Variants in PCDHGA8 observed in about 807,000 individuals in gnomAD.
The protein encoded by PCDHGA8 is protocadherin gamma subfamily A, 8.
In PCDHGA8, 45 loss-of-function variants were observed where a neutral mutation model predicts 59.2. The ratio of observed to expected loss-of-function variants is 0.76; its 90% confidence interval spans 0.60 to 0.98. The LOEUF is 0.98. Ranked by LOEUF, PCDHGA8 falls within the 50% of genes least tolerant of loss-of-function variation. PCDHGA8 has a pLI of 0.00. For synonymous variants in PCDHGA8, 531 were observed against 519.0 expected, an observed-to-expected ratio of 1.02 and a Z score of -0.32; for missense variants, 1,257 against 1,196.2, an observed-to-expected ratio of 1.05 and a Z score of -0.75.
At chr5:141,405,555 G>C in intron 1 of PCDHGA8, 1 of 620,228 alleles carries the variant, frequency 1.6e-6, no homozygotes, top group Non-Finnish European at 2.8e-6. Context: ...AAGTAGAGTA[G>C]CTGGGACTAG....
intron 1 of PCDHGA8, among the ~76,000 whole-genome samples, chr5:141,425,699 G>A (rs535043616): frequency 6.6e-6 from 1 of 152,260 alleles, no homozygotes; most frequent in Non-Finnish European, 1.5e-5. Context: ...ATTTCATAGT[G>A]GTCAAAATTT....
chr5:141,392,660 C>A lies in PCDHGA8; in HGVS notation c.-154C>A. Reference sequence around the variant, plus strand: ...ACCTCACGAAGACCCGCAGATGCCACAAACTAACTGCTGGACTGCAGCGAA... The same window carrying A: ...ACCTCACGAAGACCCGCAGATGCCAAAAACTAACTGCTGGACTGCAGCGAA... On this transcript the variant is annotated 5_prime_UTR_variant, in exon 1 of 4. Coordinates refer to ENST00000398604, the MANE Select transcript of PCDHGA8 (RefSeq NM_032088.2). 1.3e-6 allele frequency: 1 copy of A among 797,246 alleles called. No individual in the cohort carries two copies. The highest frequency in any genetic ancestry group is 1.9e-6 in the Non-Finnish European group (1 of 531,544). 49.4% of individuals were successfully genotyped at this position (797,246 alleles called of 1,614,324 possible). A position where few individuals can be genotyped will look rare whatever the true frequency, so the allele number is the denominator to read the frequency against.
chr5:141,392,903 G>A lies in PCDHGA8; in HGVS notation c.90G>A (p.Gln30=). 6.2e-7 allele frequency: 1 copy of A among 1,613,884 alleles called. No homozygotes were observed. The highest frequency in any genetic ancestry group is 1.1e-5 in the South Asian group (1 of 91,084). Residue 30 remains glutamine, a synonymous_variant, in exon 1 of 4, where the codon CAG becomes CAA. Transcript: ENST00000398604. ...CGCTGTGGGAAATCGGGAGGGGACAGATTCGCTACTCTGTGCCAGAAGAGA... is the reference window on the plus strand; with the variant it reads ...CGCTGTGGGAAATCGGGAGGGGACAAATTCGCTACTCTGTGCCAGAAGAGA... ...LGTLWEIGRG[Q]IRYSVPEETD... is the part of the protein sequence containing the mutation.
Position 141,393,441 on chromosome 5 carries a change from C to G in PCDHGA8, c.628C>G (p.Leu210Val). 1 of 1,614,070 alleles carries G rather than the reference C, an allele frequency of 6.2e-7. No individual in the cohort carries two copies. Among genetic ancestry groups the G allele is most frequent in the African/African-American group, 1.3e-5 (1 of 75,078 alleles). The change falls in exon 1 of 4, where the codon CTG becomes GTG. Residue 210 changes from leucine (L) to valine (V), a missense_variant. Physicochemically the swap from Leu to Val is conservative, Grantham distance 32 (BLOSUM62 1). Transcript: ENST00000398604. Reference protein sequence around the residue: ...LDREEEAAHHLVLTASDGGKP... With the variant: ...LDREEEAAHHVVLTASDGGKP... The stretch of plus-strand genomic sequence containing the variant: ...CAGGGAGGAAGAGGCTGCTCACCAC[C>G]TGGTCCTCACGGCCTCGGATGGCGG...
Position 141,393,168 on chromosome 5 carries a change from G to T in PCDHGA8, c.355G>T (p.Val119Leu), listed in dbSNP as rs1486915956. Residue 119 changes from valine (V) to leucine (L), a missense_variant, in exon 1 of 4, where the codon GTA becomes TTA. Physicochemically the swap from Val to Leu is conservative, Grantham distance 32. Transcript: ENST00000398604. The stretch of plus-strand genomic sequence containing the variant: ...TGAGGATAAAGGAAAACTCTTTGGG[G>T]TAGAAATAGAAATAATTGATATTAA... Reference protein sequence around the residue: ...LVEDKGKLFGVEIEIIDINDN... With the variant: ...LVEDKGKLFGLEIEIIDINDN... 6.2e-7 allele frequency: 1 copy of T among 1,613,100 alleles called. No homozygotes were observed. The highest frequency in any genetic ancestry group is 8.5e-7 in the Non-Finnish European group (1 of 1,179,900).
chr5:141,410,318 G>C, intron 1 of PCDHGA8: 6 of 1,613,982 alleles, frequency 3.7e-6, no homozygotes, highest in Non-Finnish European at 5.1e-6. Context: ...CTTCCTCCTC[G>C]CCGTGATTCT....
At chr5:141,507,797 C>A (rs933921827) in intron 3 of PCDHGA8, among the ~76,000 whole-genome samples, 1 of 152,240 alleles carries the variant, frequency 6.6e-6, no homozygotes, top group Admixed American at 6.5e-5. Context: ...TCTAAGCCTG[C>A]GCCCTGGGGA....
In PCDHGA8 at chr5:141,428,115, G is replaced by T. The variant is rs753384738; in HGVS notation, c.2424+32878G>T. 5 of 1,607,062 alleles carry T rather than the reference G, an allele frequency of 3.1e-6. No homozygotes were observed. In the South Asian group the frequency reaches 5.5e-5, roughly 18 times the overall value. On this transcript the variant is annotated intron_variant, in intron 1 of 3. Coordinates refer to ENST00000398604, the MANE Select transcript of PCDHGA8 (RefSeq NM_032088.2). ...GTCCTACCACGTGCTGCAGGCCATC[G>T]AGCCCGGGCTTTTCAGCCTGGGGCT...
rs1486554010 is a variant in PCDHGA8 at position 141,431,630 on chromosome 5, G to C, written c.2424+36393G>C. Reference sequence around the variant, plus strand: ...GTATGTGGACGACAAGGCGGCCCAAGTTTTCAAACTAGATTGTAATTCAGG... The same window carrying C: ...GTATGTGGACGACAAGGCGGCCCAACTTTTCAAACTAGATTGTAATTCAGG... On this transcript the variant is annotated intron_variant, in intron 1 of 3. Transcript: ENST00000398604. This position sits in a 1 kb window ranked among gnomAD's most constrained non-coding sequence, Gnocchi z 4.8. 6.2e-7 allele frequency: 1 copy of C among 1,614,250 alleles called. No individual in the cohort carries two copies. Among genetic ancestry groups the C allele is most frequent in the East Asian group, 2.2e-5 (1 of 44,882 alleles).
chr5:141,410,579 G>A (rs760249748), intron 1 of PCDHGA8: 17 of 1,610,792 alleles, frequency 1.1e-5, no homozygotes, highest in Non-Finnish European at 1.4e-5. Context: ...TCCACCTCAT[G>A]GTGGGGAGGA....
intron 1 of PCDHGA8, chr5:141,423,750 TGGGGG>T: frequency 5.2e-5 from 15 of 287,416 alleles, no homozygotes; most frequent in Non-Finnish European, 6.3e-5. Context: ...GAAAACTGTT[TGGGGG>T]GGGGGTGGGG....
rs530194567 is a variant in PCDHGA8, at chr5:141,417,884, C to G, written c.2424+22647C>G. On this transcript the variant is annotated intron_variant, in intron 1 of 3. Transcript: ENST00000398604. ...GATGGGAGGGAGCTGCGCGCAGAGG[C>G]GCCGGGCCGGCCCGCGGCAGGTACT... 2.1e-4 allele frequency: 327 copies of G among 1,561,600 alleles called. No individual in the cohort carries two copies. In the South Asian group the frequency reaches 3.4e-3, roughly 16 times the overall value.
rs376773009 is a variant in PCDHGA8, at chr5:141,511,838, C to T, written c.*665C>T. 64 of 156,854 alleles carry T rather than the reference C, an allele frequency of 4.1e-4. No homozygotes were observed. Among genetic ancestry groups the T allele is most frequent in the Non-Finnish European group, 6.8e-4 (48 of 70,726 alleles). The allele number at this position is 156,854 out of a possible 1,614,324, so 9.7% of individuals were successfully genotyped here. A position where few individuals can be genotyped will look rare whatever the true frequency, so the allele number is the denominator to read the frequency against. ...TCTTCCCAACGCCCTGGGGACCAGTCTTCTGTTTTGTTTTTCATTGTTTGA... is the reference window on the plus strand; with the variant it reads ...TCTTCCCAACGCCCTGGGGACCAGTTTTCTGTTTTGTTTTTCATTGTTTGA... On this transcript the variant is annotated 3_prime_UTR_variant, in exon 4 of 4. Transcript: ENST00000398604.
chr5:141,509,979 T>C (rs908103989), intron 3 of PCDHGA8, among the ~76,000 whole-genome samples: 4 of 152,204 alleles, frequency 2.6e-5, no homozygotes, highest in African/African-American at 7.2e-5. Context: ...CTTCTAACAC[T>C]TGGTTCCCTC....
chr5:141,450,006 C>CT lies in PCDHGA8; in HGVS notation c.2425-44783dup, dbSNP rs1554136305. ...CACATTGCATTTAGTTGCCATGTCT[C>CT]TTTTTTTTTTTTTTTTTTGAGACAG... On this transcript the variant is annotated intron_variant, in intron 1 of 3. Coordinates refer to ENST00000398604, the MANE Select transcript of PCDHGA8 (RefSeq NM_032088.2). Among the ~76,000 whole-genome samples the CT allele has an allele frequency of 9.8e-3, 1,304 of 132,922 alleles. 21 individuals are homozygous for CT. Among genetic ancestry groups the CT allele is most frequent in the Non-Finnish European group, 0.015 (957 of 62,878 alleles). 87.2% of individuals were successfully genotyped at this position (132,922 alleles called of 152,430 possible).
intron 1 of PCDHGA8, 143 bp downstream of exon 1, chr5:141,395,380 T>C (rs1219736482): frequency 9.0e-7 from 1 of 1,112,054 alleles, no homozygotes; most frequent in African/African-American, 1.6e-5. Context: ...GTGGTGTTAC[T>C]ATAAAATTGA....
chr5:141,453,796 T>C (rs1592274016), intron 1 of PCDHGA8, among the ~76,000 whole-genome samples: 1 of 152,242 alleles, frequency 6.6e-6, no homozygotes, highest in East Asian at 1.9e-4. Context: ...ATATTAACTT[T>C]GAGTAGTTCC....
Position 141,477,665 on chromosome 5 carries a change from G to T in PCDHGA8, c.2425-17142G>T, listed in dbSNP as rs753814499. ...CTATTTCACAATAAATCGTGACAAT[G>T]GCATAGTGTCATCCTTAGTGCCCCT... is the stretch of plus-strand genomic sequence containing the variant. On this transcript the variant is annotated intron_variant, in intron 1 of 3. Coordinates refer to ENST00000398604, the MANE Select transcript of PCDHGA8 (RefSeq NM_032088.2). The surrounding 1 kb of genome is among the most constrained non-coding windows in gnomAD (Gnocchi z 4.9). 6.2e-7 allele frequency: 1 copy of T among 1,614,182 alleles called. No individual in the cohort carries two copies. The highest frequency in any genetic ancestry group is 8.5e-7 in the Non-Finnish European group (1 of 1,180,038).
At chr5:141,497,461 A>G (rs541848982) in intron 2 of PCDHGA8, among the ~76,000 whole-genome samples, 2 of 151,526 alleles carry the variant, frequency 1.3e-5, no homozygotes, top group Admixed American at 1.3e-4. Context: ...GCTCTTGGAG[A>G]TATGGAGGAG....
Sources: gnomAD v4.1 joint callset for allele counts (sites outside exome capture counted in the v4.1 genomes callset) on GRCh38, gnomAD v4.1.1 for gene constraint, Gnocchi (gnomAD v3.1) non-coding constraint, MANE v1.5 for transcripts, NCBI Gene and HGNC (gene_info 2026-07-23, HGNC 2026-07-21) for gene names.